Variants in TRAPPC9 observed in about 807,000 individuals in gnomAD.
TRAPPC9 encodes trafficking protein particle complex subunit 9, also known as IKK2 binding protein.
Under a neutral mutation model 124.0 loss-of-function variants are expected in TRAPPC9, and 83 were observed. The observed-to-expected ratio is 0.67, with a 90% CI of 0.56 to 0.80. The LOEUF is 0.80. Among genes scored for constraint, TRAPPC9 ranks in the 30% least tolerant of loss-of-function variants. The pLI, the probability that TRAPPC9 is intolerant of heterozygous loss-of-function variation, is 0.00. For synonymous variants in TRAPPC9, 638 were observed against 617.5 expected, an observed-to-expected ratio of 1.03 and a Z score of -0.49; for missense variants, 1,302 against 1,508.3, an observed-to-expected ratio of 0.86 and a Z score of 2.27.
At chr8:139,944,203 C>G (rs1412548146) in intron 19 of TRAPPC9, among the ~76,000 whole-genome samples, 3 of 152,104 alleles carry the variant, frequency 2.0e-5, no homozygotes, top group Non-Finnish European at 2.9e-5. Context: ...AGAAGTCTCC[C>G]TTTACAAGAA....
intron 21 of TRAPPC9, among the ~76,000 whole-genome samples, chr8:139,821,840 G>A (rs984759224): frequency 1.3e-5 from 2 of 152,206 alleles, no homozygotes. Context: ...TAATAGCCTG[G>A]TAAATAGGAA....
chr8:139,851,300 C>T (rs1275766462), intron 21 of TRAPPC9, among the ~76,000 whole-genome samples: 3 of 152,154 alleles, frequency 2.0e-5, no homozygotes, highest in East Asian at 1.9e-4. Context: ...CCTTCCAGAA[C>T]ACACACTCTC....
At chr8:139,796,230 CACAA>C (rs1164139340) in intron 21 of TRAPPC9, among the ~76,000 whole-genome samples, 1 of 152,134 alleles carries the variant, frequency 6.6e-6, no homozygotes, top group African/African-American at 2.4e-5. Flanking sequence ...CGGCGCTGTT[CACAA>C]ACATATTCAT....
At chr8:140,120,838 TCATC>T (rs145185846) in intron 17 of TRAPPC9, among the ~76,000 whole-genome samples, 12,063 of 150,086 alleles carry the variant, frequency 0.08, 726 homozygotes, top group South Asian at 0.11. Flanking sequence ...CATCCATCCA[TCATC>T]CATCCATCCA....
intron 16 of TRAPPC9, among the ~76,000 whole-genome samples, chr8:140,235,265 G>T (rs1276602927): frequency 6.6e-6 from 1 of 152,188 alleles, no homozygotes; most frequent in Non-Finnish European, 1.5e-5. Context: ...GAGCCACCAT[G>T]CCTGGCTGAA....
intron 21 of TRAPPC9, among the ~76,000 whole-genome samples, chr8:139,762,615 TATA>T (rs1292810521): frequency 1.3e-5 from 2 of 152,158 alleles, no homozygotes; most frequent in Non-Finnish European, 2.9e-5. Flanking sequence ...AATAAGGAAT[TATA>T]ATCTCACGGG....
intron 16 of TRAPPC9, chr8:140,238,566 C>G (rs2063778900): frequency 6.6e-6 from 1 of 152,214 alleles, no homozygotes; most frequent in African/African-American, 2.4e-5. Context: ...GGCTGTCCGA[C>G]GCGTCATTAA....
chr8:139,990,931 C>T (rs939310374), intron 18 of TRAPPC9, among the ~76,000 whole-genome samples: 1 of 152,046 alleles, frequency 6.6e-6, no homozygotes, highest in African/African-American at 2.4e-5. Flanking sequence ...AACAGGGTGC[C>T]GCACACCTTG....
intron 17 of TRAPPC9, among the ~76,000 whole-genome samples, chr8:140,202,587 T>G (rs1035442483): frequency 6.6e-6 from 1 of 152,170 alleles, no homozygotes; most frequent in African/African-American, 2.4e-5. Context: ...TGAATGACAT[T>G]ATTAAATCAG....
At chr8:140,060,624 C>T (rs1008673343) in intron 17 of TRAPPC9, among the ~76,000 whole-genome samples, 1 of 151,956 alleles carries the variant, frequency 6.6e-6, no homozygotes, top group South Asian at 2.1e-4. Context: ...CTACCCATCC[C>T]TACCCATCCC....
chr8:139,832,281 C>CA (rs1444078495), intron 21 of TRAPPC9, among the ~76,000 whole-genome samples: 1 of 152,246 alleles, frequency 6.6e-6, no homozygotes, highest in East Asian at 1.9e-4. Flanking sequence ...GCTACATTTG[C>CA]ATGATAACAT....
intron 21 of TRAPPC9, among the ~76,000 whole-genome samples, chr8:139,795,373 C>G (rs1202055826): frequency 3.3e-5 from 5 of 152,166 alleles, no homozygotes; most frequent in African/African-American, 1.2e-4. Context: ...TGCCACACTT[C>G]TCCTGGACAC....
chr8:139,841,755 C>T (rs539407854), intron 21 of TRAPPC9, among the ~76,000 whole-genome samples: 3 of 152,278 alleles, frequency 2.0e-5, no homozygotes, highest in East Asian at 1.9e-4. Flanking sequence ...TGCCCACTCA[C>T]GAGGAGCTCA....
chr8:139,939,479 G>A (rs531631547), intron 19 of TRAPPC9, among the ~76,000 whole-genome samples: 1 of 152,134 alleles, frequency 6.6e-6, no homozygotes, highest in Non-Finnish European at 1.5e-5. Flanking sequence ...CTCCCCAACC[G>A]AGACCCTCAG....
intron 7 of TRAPPC9, among the ~76,000 whole-genome samples, chr8:140,393,976 A>C (rs1170110461): frequency 6.6e-6 from 1 of 152,208 alleles, no homozygotes; most frequent in Non-Finnish European, 1.5e-5. Flanking sequence ...CCAGCATGGG[A>C]GCGCTGTTCC....
intron 8 of TRAPPC9, among the ~76,000 whole-genome samples, chr8:140,370,151 T>G (rs1054635849): frequency 4.6e-5 from 7 of 151,170 alleles, no homozygotes; most frequent in Admixed American, 3.3e-4. Context: ...TTTTTTTGGG[T>G]TTTTTTTAGA....
intron 17 of TRAPPC9, among the ~76,000 whole-genome samples, chr8:140,056,410 TA>T (rs148382657): frequency 1.1e-4 from 16 of 143,234 alleles, no homozygotes; most frequent in African/African-American, 2.6e-4. Flanking sequence ...ATCCTGTCTC[TA>T]AAAAAAAAAC....
intron 17 of TRAPPC9, among the ~76,000 whole-genome samples, chr8:140,146,914 T>G (rs1472027915): frequency 6.6e-6 from 1 of 151,822 alleles, no homozygotes; most frequent in Non-Finnish European, 1.5e-5. Flanking sequence ...CCAATATGAT[T>G]TTAATAACTA....
chr8:139,816,225 G>A (rs530853056), intron 21 of TRAPPC9, among the ~76,000 whole-genome samples: 14 of 152,290 alleles, frequency 9.2e-5, no homozygotes, highest in African/African-American at 2.9e-4. Context: ...CAGGCAAAGC[G>A]GGGCCTGGGT....
Sources: gnomAD v4.1 joint callset for allele counts (sites outside exome capture counted in the v4.1 genomes callset) on GRCh38, gnomAD v4.1.1 for gene constraint, MANE v1.5 for transcripts, NCBI Gene and HGNC (gene_info 2026-07-23, HGNC 2026-07-21) for gene names.